TYMS: variants seen among roughly 807,000 people sequenced by gnomAD.
The protein encoded by TYMS is thymidylate synthetase.
Under a neutral mutation model 39.3 loss-of-function variants are expected in TYMS, and 21 were observed. That is an observed-to-expected ratio of 0.54 (90% CI 0.38 to 0.77). The LOEUF is 0.77. Among genes scored for constraint, TYMS ranks in the 30% least tolerant of loss-of-function variants. The probability of loss-of-function intolerance (pLI) is 0.00; values close to 1 mark genes in which losing one functional copy is unlikely to be tolerated. For synonymous variants in TYMS, 171 were observed against 162.2 expected (o/e 1.05, Z -0.41); for missense variants, 273 against 406.7 (o/e 0.67, Z 2.83).
At position 671,462 on chromosome 18, in the gene TYMS, G is replaced by A; in HGVS notation, c.804+11G>A. ...CCACTGAAAATTCAGGTAAGAATTA[G>A]ATGTTATACTTTTGGGTTTGGTACC... On this transcript the variant is annotated intron_variant, in intron 6 of 6. Coordinates refer to ENST00000323274, the MANE Select transcript of TYMS (RefSeq NM_001071.4). 4 of 1,590,916 alleles carry A rather than the reference G, an allele frequency of 2.5e-6. No individual in the cohort carries two copies. The South Asian group carries it at 4.4e-5, about 18-fold the overall frequency.
Position 657,838 on chromosome 18 carries a change from G to A in TYMS, c.96G>A (p.Gln32=), listed in dbSNP as rs1446885716. The change falls in exon 1 of 7, where the codon CAG becomes CAA. Residue 32 remains glutamine, a synonymous_variant. Coordinates refer to ENST00000323274, the MANE Select transcript of TYMS (RefSeq NM_001071.4). ...CGCGTCCGCCGCACGGGGAGCTGCA[G>A]TACCTGGGGCAGATCCAACACATCC... ...AEPRPPHGEL[Q]YLGQIQHILR... is the part of the protein sequence containing the mutation. The A allele has an allele frequency of 8.0e-6, 12 of 1,491,398 alleles. No homozygotes were observed. Among genetic ancestry groups the A allele is most frequent in the Non-Finnish European group, 1.1e-5 (12 of 1,130,494 alleles). 92.4% of individuals were successfully genotyped at this position (1,491,398 alleles called of 1,614,324 possible).
intron 4 of TYMS, among the ~76,000 whole-genome samples, chr18:670,121 G>A (rs1346877497): frequency 1.3e-5 from 2 of 151,210 alleles, no homozygotes; most frequent in Admixed American, 1.3e-4. Flanking sequence ...TCCGCTCACG[G>A]CAACCTCCAT....
intron 1 of TYMS, 50 bp from the exon 2 acceptor site, chr18:659,591 G>T: frequency 6.6e-7 from 1 of 1,518,524 alleles, no homozygotes; most frequent in Non-Finnish European, 9.1e-7. Context: ...AAAGTTGGAT[G>T]GCATGATCTG....
rs1567989818 is a variant in TYMS at position 667,016 on chromosome 18, GAGATGGA to G, written c.455-2055_455-2049del. Among the ~76,000 whole-genome samples, 4 of 6,960 alleles carry G rather than the reference GAGATGGA, an allele frequency of 5.7e-4. 1 individual carries two copies. The highest frequency in any genetic ancestry group is 1.4e-3 in the Non-Finnish European group (4 of 2,934). 4.6% of individuals were successfully genotyped at this position (6,960 alleles called of 152,430 possible). On this transcript the variant is annotated intron_variant, in intron 3 of 6. Transcript: ENST00000323274. Reference sequence around the variant, plus strand: ...GGTGATGGAGATGGTGATGGTGATGGAGATGGAGATGGTGATGGAGATGGTGATGGTG... The same window carrying G: ...GGTGATGGAGATGGTGATGGTGATGGGATGGTGATGGAGATGGTGATGGTG...
chr18:659,573 C>T lies in TYMS; in HGVS notation c.206-68C>T. ...CCTCACGTCCCAGGGCAGTTTTCTT[C>T]CCTGAAGAAAGTTGGATGGCATGAT... is the stretch of plus-strand genomic sequence containing the variant. On this transcript the variant is annotated intron_variant, in intron 1 of 6. Transcript: ENST00000323274. 4 of 1,436,090 alleles carry T rather than the reference C, an allele frequency of 2.8e-6. No individual in the cohort carries two copies. In the South Asian group the frequency reaches 4.6e-5, roughly 16 times the overall value. 89.0% of individuals were successfully genotyped at this position (1,436,090 alleles called of 1,614,324 possible). A position where few individuals can be genotyped will look rare whatever the true frequency, so the allele number is the denominator to read the frequency against.
rs2074703670 is a variant in TYMS at position 657,811 on chromosome 18, G to A, written c.69G>A (p.Glu23=). 2 of 1,463,016 alleles carry A rather than the reference G, an allele frequency of 1.4e-6. No homozygotes were observed. Among genetic ancestry groups the A allele is most frequent in the Middle Eastern group, 1.8e-4 (1 of 5,570 alleles). 90.6% of individuals were successfully genotyped at this position (1,463,016 alleles called of 1,614,324 possible). A position where few individuals can be genotyped will look rare whatever the true frequency, so the allele number is the denominator to read the frequency against. Residue 23 remains glutamate (E), a synonymous_variant, in exon 1 of 7, where the codon GAG becomes GAA. Transcript: ENST00000323274. ...LPPAAQERDA[E]PRPPHGELQY... ...CCGCCGCACAGGAGCGGGACGCCGAGCCGCGTCCGCCGCACGGGGAGCTGC... is the reference window on the plus strand; with the variant it reads ...CCGCCGCACAGGAGCGGGACGCCGAACCGCGTCCGCCGCACGGGGAGCTGC...
chr18:667,939 G>A (rs529819922), intron 3 of TYMS, among the ~76,000 whole-genome samples: 27 of 146,972 alleles, frequency 1.8e-4, no homozygotes, highest in Non-Finnish European at 3.4e-4. Flanking sequence ...TTGGATTTTA[G>A]TAGGAAAGTT....
At chr18:670,572 GCT>G in intron 4 of TYMS, 118 bp from the exon 5 acceptor site, 3 of 1,059,696 alleles carry the variant, frequency 2.8e-6, no homozygotes, top group Non-Finnish European at 4.1e-6. Context: ...CAGCCCAGTG[GCT>G]CTCTCTCCTG....
rs771019062 is a variant in TYMS at position 669,204 on chromosome 18, C to T, written c.556+31C>T. The T allele has an allele frequency of 5.7e-6, 9 of 1,582,264 alleles. No homozygotes were observed. In the Admixed American group the frequency reaches 8.4e-5, roughly 15 times the overall value. On this transcript the variant is annotated intron_variant, in intron 4 of 6. Coordinates refer to ENST00000323274, the MANE Select transcript of TYMS (RefSeq NM_001071.4). ...AAGAACCCCGTCGTCTTCATTTATA[C>T]TAACCATACTCTTAGAGGGAAGCAA...
At chr18:671,309 T>C (rs1598480789) in intron 5 of TYMS, 71 bp from the exon 6 acceptor site, 1 of 1,024,530 alleles carries the variant, frequency 9.8e-7, no homozygotes, top group East Asian at 2.4e-5. Context: ...CTGCATATTC[T>C]AATGTTTTTA....
At chr18:662,012 G>C in intron 2 of TYMS, 134 bp from the exon 3 acceptor site, 1 of 864,972 alleles carries the variant, frequency 1.2e-6, no homozygotes, top group Non-Finnish European at 1.7e-6. Context: ...GGTTCCATAT[G>C]GGTGGTGTCA....
At position 662,636 on chromosome 18, in the gene TYMS, G is replaced by T. The variant is rs573761855; in HGVS notation, c.454+316G>T. Reference sequence around the variant, plus strand: ...CCACTAACTCATGATCTAGCATCAGGTATATCTCCCAATGCTATCCCTCCC... The same window carrying T: ...CCACTAACTCATGATCTAGCATCAGTTATATCTCCCAATGCTATCCCTCCC... On this transcript the variant is annotated intron_variant, in intron 3 of 6. Coordinates refer to ENST00000323274, the MANE Select transcript of TYMS (RefSeq NM_001071.4). 1.2e-4 allele frequency among the ~76,000 whole-genome samples: 18 copies of T among 151,340 alleles called. 1 individual carries two copies. Among genetic ancestry groups the T allele is most frequent in the Admixed American group, 2.6e-4 (4 of 15,194 alleles).
chr18:671,248 A>G (rs2075034215), intron 5 of TYMS, 132 bp from the exon 6 acceptor site: 1 of 713,928 alleles, frequency 1.4e-6, no homozygotes, highest in Admixed American at 2.4e-5. Flanking sequence ...TTGCTACAAA[A>G]AAATGGAAAA....
intron 3 of TYMS, among the ~76,000 whole-genome samples, chr18:666,727 A>G (rs1431042729): frequency 1.3e-5 from 2 of 152,382 alleles, no homozygotes; most frequent in East Asian, 3.9e-4. Flanking sequence ...GTTAAATGTT[A>G]GCAACTTCAG....
At chr18:668,074 A>T (rs1339233876) in intron 3 of TYMS, among the ~76,000 whole-genome samples, 1 of 147,978 alleles carries the variant, frequency 6.8e-6, no homozygotes, top group Non-Finnish European at 1.5e-5. Context: ...ATCTTGGGTA[A>T]CATCCTGTAT....
At chr18:672,803 A>G (rs1054308615) in intron 6 of TYMS, 57 bp from the exon 7 acceptor site, 4 of 1,510,622 alleles carry the variant, frequency 2.6e-6, no homozygotes, top group East Asian at 2.3e-5. Flanking sequence ...GGACATGAGG[A>G]GCAATTACAA....
rs773086787 is a variant in TYMS, at chr18:658,158, G to T, written c.205+211G>T. 3.2e-6 allele frequency: 5 copies of T among 1,578,556 alleles called. No individual in the cohort carries two copies. Among genetic ancestry groups the T allele is most frequent in the Non-Finnish European group, 4.3e-6 (5 of 1,164,564 alleles). ...TGGCGCGGGCAACACACACAGCAGC[G>T]ACAGCCGGGAGGTAAGCCGCGTCCC... On this transcript the variant is annotated intron_variant, in intron 1 of 6. Transcript: ENST00000323274. The surrounding 1 kb of genome is among the most constrained non-coding windows in gnomAD (Gnocchi z 4.5).
intron 3 of TYMS, among the ~76,000 whole-genome samples, chr18:668,018 C>T (rs1230820883): frequency 1.5e-4 from 11 of 71,948 alleles, no homozygotes; most frequent in Non-Finnish European, 2.6e-4. Flanking sequence ...TTTTAATGCA[C>T]AGAAAGTTTC....
intron 3 of TYMS, among the ~76,000 whole-genome samples, chr18:668,436 A>G (rs1274722584): frequency 3.9e-5 from 6 of 152,210 alleles, no homozygotes; most frequent in Non-Finnish European, 7.3e-5. Context: ...AGGGATTAAA[A>G]TCCAGAGACC....
Sources: allele counts gnomAD v4.1 joint callset (sites outside exome capture counted in the v4.1 genomes callset), GRCh38; gene constraint gnomAD v4.1.1; non-coding constraint Gnocchi (gnomAD v3.1); transcripts MANE v1.5; gene names NCBI Gene and HGNC (gene_info 2026-07-23, HGNC 2026-07-21).